GRID2IP: variants seen among roughly 807,000 people sequenced by gnomAD.
GRID2IP encodes the protein Grid2 interacting protein, also known as delphilin.
A neutral mutation model predicts 114.3 loss-of-function variants in GRID2IP; 78 were observed. The ratio of observed to expected loss-of-function variants is 0.68; its 90% confidence interval spans 0.57 to 0.82. GRID2IP has a LOEUF of 0.82. Ranked by LOEUF, GRID2IP falls within the 40% of genes least tolerant of loss-of-function variation. GRID2IP has a pLI of 0.00. For synonymous variants in GRID2IP, 809 were observed against 724.0 expected (o/e 1.12, Z -1.89); for missense variants, 1,727 against 1,678.5 (o/e 1.03, Z -0.51).
chr7:6,515,640 T>A (rs564347920), intron 7 of GRID2IP, among the ~76,000 whole-genome samples: 1 of 151,582 alleles, frequency 6.6e-6, no homozygotes, highest in Admixed American at 6.6e-5. Flanking sequence ...GTGGTAGGCA[T>A]GTTGGTGTGC....
In GRID2IP at chr7:6,503,617, C is replaced by A. The variant is rs1445136218; in HGVS notation, c.2781G>T (p.Arg927=). The A allele has an allele frequency of 5.2e-6, 8 of 1,528,834 alleles. No homozygotes were observed. Among genetic ancestry groups the A allele is most frequent in the Admixed American group, 3.9e-5 (2 of 50,652 alleles). The allele number at this position is 1,528,834 out of a possible 1,614,324, so 94.7% of individuals were successfully genotyped here. The change falls in exon 16 of 22, where the codon CGG becomes CGT. Residue 927 remains arginine (R), a synonymous_variant. Coordinates refer to ENST00000457091, the MANE Select transcript of GRID2IP (RefSeq NM_001145118.2). The stretch of plus-strand genomic sequence containing the variant: ...GCGCGAGATGTGCGGGCTCCAGGCG[C>A]CGGGGCTCCATGCTCATCAGCACCT... ...LRQVLMSMEP[R]RLEPAHLAQL... is the part of the protein sequence containing the mutation.
chr7:6,522,083 C>T, intron 4 of GRID2IP, 126 bp from the exon 5 acceptor site: 2 of 726,124 alleles, frequency 2.8e-6, no homozygotes, highest in South Asian at 3.4e-5. Context: ...GGCATGGTGG[C>T]TCACACCTGT....
rs1025244982 is a variant in GRID2IP at position 6,520,851 on chromosome 7, C to T, written c.1085-90G>A. The T allele has an allele frequency of 7.9e-7, 1 of 1,267,592 alleles. No individual in the cohort carries two copies. Among genetic ancestry groups the T allele is most frequent in the Non-Finnish European group, 1.1e-6 (1 of 919,090 alleles). 78.5% of individuals were successfully genotyped at this position (1,267,592 alleles called of 1,614,324 possible). A position where few individuals can be genotyped will look rare whatever the true frequency, so the allele number is the denominator to read the frequency against. ...CTGGCTTTTGAGGTCAGGAGACCTC[C>T]TGAGCTGGGGTGTGGCTGTCCAGTG... On this transcript the variant is annotated intron_variant, in intron 6 of 21. Transcript: ENST00000457091. The surrounding 1 kb of genome is among the most constrained non-coding windows in gnomAD (Gnocchi z 4.6).
chr7:6,541,720 C>T (rs969236593), intron 1 of GRID2IP, among the ~76,000 whole-genome samples: 2 of 152,114 alleles, frequency 1.3e-5, no homozygotes, highest in African/African-American at 2.4e-5. Flanking sequence ...TGCAAATGGT[C>T]ATGTTGGAAA....
In GRID2IP at chr7:6,511,528, A is replaced by AC. The variant is rs1260327841; in HGVS notation, c.1424-490_1424-489insG. On this transcript the variant is annotated intron_variant, in intron 8 of 21. Transcript: ENST00000457091. ...GCTGGGATTACAGGTGTCCGTCACC[A>AC]TGCCTGGCTAATTTTTGTATTTTTA... 1.5e-3 allele frequency among the ~76,000 whole-genome samples: 227 copies of AC among 151,998 alleles called. 5 individuals are homozygous for AC. The South Asian group carries it at 0.025, about 16-fold the overall frequency.
rs924484278 is a variant in GRID2IP, at chr7:6,507,492, T to C, written c.2544+493A>G. Among the ~76,000 whole-genome samples, 1 of 152,092 alleles carries C rather than the reference T, an allele frequency of 6.6e-6. No individual in the cohort carries two copies. Among genetic ancestry groups the C allele is most frequent in the African/African-American group, 2.4e-5 (1 of 41,408 alleles). On this transcript the variant is annotated intron_variant, in intron 13 of 21. Coordinates refer to ENST00000457091, the MANE Select transcript of GRID2IP (RefSeq NM_001145118.2). This position sits in a 1 kb window ranked among gnomAD's most constrained non-coding sequence, Gnocchi z 5.3. ...CCAGAAAGAAAACAGGGCATGGGAATCCTGGGGAGACAAGATTTCAGAGCA... is the reference window on the plus strand; with the variant it reads ...CCAGAAAGAAAACAGGGCATGGGAACCCTGGGGAGACAAGATTTCAGAGCA...
intron 8 of GRID2IP, among the ~76,000 whole-genome samples, chr7:6,511,327 G>C (rs1218619952): frequency 6.6e-6 from 1 of 152,132 alleles, no homozygotes; most frequent in Non-Finnish European, 1.5e-5. Flanking sequence ...CCCTGTGCTT[G>C]CCCCAGGCCA....
Position 6,523,312 on chromosome 7 carries a change from A to G in GRID2IP, c.920-1355T>C, listed in dbSNP as rs1779448580. Among the ~76,000 whole-genome samples, 1 of 152,046 alleles carries G rather than the reference A, an allele frequency of 6.6e-6. No homozygotes were observed. Among genetic ancestry groups the G allele is most frequent in the African/African-American group, 2.4e-5 (1 of 41,408 alleles). On this transcript the variant is annotated intron_variant, in intron 4 of 21. Transcript: ENST00000457091. The surrounding 1 kb of genome is among the most constrained non-coding windows in gnomAD (Gnocchi z 4.5). ...CCTTTCCCTGGACCAAAAAGGAGAG[A>G]GTGATGGTGGTGGCGAATCCAATCT...
rs932558541 is a variant in GRID2IP at position 6,507,897 on chromosome 7, G to A, written c.2544+88C>T. ...TGGGGTAGGGAGGATGATGTTGGAA[G>A]ATGCCTGGCCGATGGGTTTTCCTTC... is the stretch of plus-strand genomic sequence containing the variant. On this transcript the variant is annotated intron_variant, in intron 13 of 21. Transcript: ENST00000457091. This position sits in a 1 kb window ranked among gnomAD's most constrained non-coding sequence, Gnocchi z 5.3. The A allele has an allele frequency of 6.1e-5, 92 of 1,504,170 alleles. No homozygotes were observed. The highest frequency in any genetic ancestry group is 6.5e-5 in the Non-Finnish European group (73 of 1,124,676). 93.2% of individuals were successfully genotyped at this position (1,504,170 alleles called of 1,614,324 possible). A position where few individuals can be genotyped will look rare whatever the true frequency, so the allele number is the denominator to read the frequency against.
rs1786697346 is a variant in GRID2IP, at chr7:6,509,342, C to T, written c.1772-29G>A. 3 of 1,461,630 alleles carry T rather than the reference C, an allele frequency of 2.1e-6. No individual in the cohort carries two copies. Among genetic ancestry groups the T allele is most frequent in the African/African-American group, 1.4e-5 (1 of 69,988 alleles). 90.5% of individuals were successfully genotyped at this position (1,461,630 alleles called of 1,614,324 possible). On this transcript the variant is annotated intron_variant, in intron 11 of 21. Transcript: ENST00000457091. The surrounding 1 kb of genome is among the most constrained non-coding windows in gnomAD (Gnocchi z 4.9). Reference sequence around the variant, plus strand: ...GAGGAGGGATGGAGTATGAGGATTCCTCTTCAGCCAGCACCGAGGTTCCAG... The same window carrying T: ...GAGGAGGGATGGAGTATGAGGATTCTTCTTCAGCCAGCACCGAGGTTCCAG...
chr7:6,550,751 T>G (rs1779961102), intron 1 of GRID2IP, among the ~76,000 whole-genome samples: 1 of 151,624 alleles, frequency 6.6e-6, no homozygotes, highest in South Asian at 2.1e-4. Context: ...TCACTTGAAC[T>G]TGGGAGGCAG....
At chr7:6,537,169 T>A (rs1236161752) in intron 2 of GRID2IP, among the ~76,000 whole-genome samples, 1 of 151,848 alleles carries the variant, frequency 6.6e-6, no homozygotes, top group Non-Finnish European at 1.5e-5. Context: ...AGGGAGGGCC[T>A]CCAAGGATGG....
chr7:6,502,978 T>A, intron 17 of GRID2IP, 30 bp downstream of exon 17: 1 of 1,551,126 alleles, frequency 6.4e-7, no homozygotes, highest in South Asian at 1.2e-5. Context: ...GAGAAGCAGA[T>A]AGGGTGCCAG....
rs1435107797 is a variant in GRID2IP, at chr7:6,534,411, C to G, written c.584+5307G>C. 6.6e-6 allele frequency among the ~76,000 whole-genome samples: 1 copy of G among 152,250 alleles called. No individual in the cohort carries two copies. The highest frequency in any genetic ancestry group is 1.9e-4 in the East Asian group (1 of 5,206). ...TCCTAATTAGAAAGCCATTTTCTCA[C>G]TTCATCAGACCGGGGTCCCTTTGGG... On this transcript the variant is annotated intron_variant, in intron 2 of 21. Coordinates refer to ENST00000457091, the MANE Select transcript of GRID2IP (RefSeq NM_001145118.2). The surrounding 1 kb of genome is among the most constrained non-coding windows in gnomAD (Gnocchi z 4.5).
In GRID2IP at chr7:6,520,900, T is replaced by A. The variant is rs10247242; in HGVS notation, c.1085-139A>T. 1.3e-6 allele frequency: 1 copy of A among 798,552 alleles called. No individual in the cohort carries two copies. The highest frequency in any genetic ancestry group is 1.7e-5 in the African/African-American group (1 of 57,478). 49.5% of individuals were successfully genotyped at this position (798,552 alleles called of 1,614,324 possible). A position where few individuals can be genotyped will look rare whatever the true frequency, so the allele number is the denominator to read the frequency against. Reference sequence around the variant, plus strand: ...TGCCATGCATGGGAAGGCATGCCTGTGGCCCGACACCGGGGCCAAGGATAG... The same window carrying A: ...TGCCATGCATGGGAAGGCATGCCTGAGGCCCGACACCGGGGCCAAGGATAG... On this transcript the variant is annotated intron_variant, in intron 6 of 21. Transcript: ENST00000457091. The surrounding 1 kb of genome is among the most constrained non-coding windows in gnomAD (Gnocchi z 4.6).
At chr7:6,500,088 G>A (rs988863289) in intron 20 of GRID2IP, among the ~76,000 whole-genome samples, 1 of 151,960 alleles carries the variant, frequency 6.6e-6, no homozygotes, top group Non-Finnish European at 1.5e-5. Context: ...CCAAGCCCAA[G>A]GAAGCCGCCA....
chr7:6,499,377 C>G (rs1388714678), intron 20 of GRID2IP, among the ~76,000 whole-genome samples: 22 of 152,204 alleles, frequency 1.4e-4, no homozygotes, highest in Non-Finnish European at 2.9e-5. Context: ...GGATTTGGGC[C>G]TATGCCTGTC....
chr7:6,526,313 G>C lies in GRID2IP; in HGVS notation c.834-4C>G. 6 of 1,551,690 alleles carry C rather than the reference G, an allele frequency of 3.9e-6. No homozygotes were observed. Among genetic ancestry groups the C allele is most frequent in the East Asian group, 2.4e-5 (1 of 40,914 alleles). ...GCCTTTGTAGACTCGGACAGTCCTG[G>C]GGGAAAAAGAAGGGGCGAGCAGCAT... On this transcript the variant is annotated splice_polypyrimidine_tract_variant and splice_region_variant and intron_variant, in intron 3 of 21. Coordinates refer to ENST00000457091, the MANE Select transcript of GRID2IP (RefSeq NM_001145118.2). This position sits in a 1 kb window ranked among gnomAD's most constrained non-coding sequence, Gnocchi z 7.6.
At chr7:6,518,596 C>T (rs940481515) in intron 7 of GRID2IP, among the ~76,000 whole-genome samples, 4 of 151,638 alleles carry the variant, frequency 2.6e-5, no homozygotes, top group African/African-American at 2.4e-5. Context: ...ATTAGCTGGG[C>T]GTGGTGGAGA....
Sources: gnomAD v4.1 joint callset for allele counts (sites outside exome capture counted in the v4.1 genomes callset) on GRCh38, gnomAD v4.1.1 for gene constraint, Gnocchi (gnomAD v3.1) non-coding constraint, MANE v1.5 for transcripts, NCBI Gene and HGNC (gene_info 2026-07-23, HGNC 2026-07-21) for gene names.